PVT1: variants seen among roughly 807,000 people sequenced by gnomAD.
PVT1 encodes Pvt1 oncogene.
At chr8:128,032,354 G>T (rs1275161250) in intron 4 of PVT1, among the ~76,000 whole-genome samples, 1 of 152,160 alleles carries the variant, frequency 6.6e-6, no homozygotes, top group African/African-American at 2.4e-5. Flanking sequence ...CTTCCTTCAT[G>T]AACTTCGTTG....
intron 2 of PVT1, among the ~76,000 whole-genome samples, chr8:127,831,289 C>CA (rs1385485709): frequency 6.8e-6 from 1 of 148,082 alleles, no homozygotes; most frequent in Non-Finnish European, 1.5e-5. Flanking sequence ...CTTGTCTCTA[C>CA]AAAAAATTAA....
rs10103276 is a variant in PVT1 at position 127,974,436 on chromosome 8, A to G, written n.783-14726A>G. Among the ~76,000 whole-genome samples the G allele has an allele frequency of 8.5e-3, 1,290 of 152,144 alleles. 14 individuals carry two copies. Among genetic ancestry groups the G allele is most frequent in the African/African-American group, 0.029 (1,214 of 41,482 alleles). ...ATCATTATTATTAATTTTTCTTTTG[A>G]GATGGAGTCTCACTCTCACCCAGGC... On this transcript the variant is annotated intron_variant and non_coding_transcript_variant, in intron 3 of 10. Coordinates refer to ENST00000651587, the Ensembl canonical transcript of PVT1.
chr8:127,974,058 A>T (rs540645759), intron 3 of PVT1, among the ~76,000 whole-genome samples: 1 of 151,914 alleles, frequency 6.6e-6, no homozygotes, highest in South Asian at 2.1e-4. Flanking sequence ...TATATTTTCG[A>T]AGGGTGGGCA....
In PVT1 at chr8:127,960,307, G is replaced by A. The variant is rs564106125; in HGVS notation, n.783-28855G>A. On this transcript the variant is annotated intron_variant and non_coding_transcript_variant, in intron 3 of 10. Transcript: ENST00000651587. ...GTCACACAGCTTGAGGGTGGCAGAA[G>A]CCAGATCTCAGGTCACAGAGTGGCT... Among the ~76,000 whole-genome samples, 16 of 152,278 alleles carry A rather than the reference G, an allele frequency of 1.1e-4. No homozygotes were observed. In the East Asian group the frequency reaches 1.4e-3, roughly 13 times the overall value.
At chr8:127,858,605 A>T (rs181609406) in intron 2 of PVT1, among the ~76,000 whole-genome samples, 10 of 151,878 alleles carry the variant, frequency 6.6e-5, no homozygotes, top group Middle Eastern at 3.4e-3. Flanking sequence ...TCTATTTTTG[A>T]TGGAAAATTT....
intron 2 of PVT1, among the ~76,000 whole-genome samples, chr8:127,852,786 G>A (rs746689654): frequency 1.2e-4 from 19 of 152,130 alleles, no homozygotes; most frequent in Non-Finnish European, 1.8e-4. Flanking sequence ...CCTGGTACCC[G>A]CTGTTCTCTA....
intron 2 of PVT1, among the ~76,000 whole-genome samples, chr8:127,814,666 G>A (rs1317359334): frequency 6.6e-6 from 1 of 152,078 alleles, no homozygotes; most frequent in East Asian, 1.9e-4. Flanking sequence ...TTTTTACTGT[G>A]GTAAAATTTA....
At chr8:127,813,919 A>G (rs1475448420) in intron 2 of PVT1, among the ~76,000 whole-genome samples, 1 of 152,090 alleles carries the variant, frequency 6.6e-6, no homozygotes, top group East Asian at 1.9e-4. Flanking sequence ...AGTAGCTGGG[A>G]TTACAGGCAC....
intron 3 of PVT1, among the ~76,000 whole-genome samples, chr8:127,894,919 G>T (rs1045122282): frequency 6.6e-6 from 1 of 152,212 alleles, no homozygotes; most frequent in Non-Finnish European, 1.5e-5. Flanking sequence ...GAAGTGACTG[G>T]CCGGCTTGGT....
intron 4 of PVT1, chr8:128,010,710 T>C (rs1229918095): frequency 6.6e-6 from 1 of 152,188 alleles, no homozygotes; most frequent in Non-Finnish European, 1.5e-5. Flanking sequence ...ATTTGTTGTT[T>C]TATAAGGTGT....
intron 3 of PVT1, among the ~76,000 whole-genome samples, chr8:127,936,729 GA>G (rs1171407552): frequency 1.3e-5 from 2 of 152,200 alleles, no homozygotes; most frequent in African/African-American, 4.8e-5. Flanking sequence ...GGGGTTGCTT[GA>G]GGGTGCCTTT....
At chr8:127,956,995 T>G (rs891082725) in intron 3 of PVT1, among the ~76,000 whole-genome samples, 1 of 152,206 alleles carries the variant, frequency 6.6e-6, no homozygotes, top group African/African-American at 2.4e-5. Flanking sequence ...CACTTTTTAT[T>G]CTCTCTAGTG....
At chr8:127,936,420 A>C (rs1484390372) in intron 3 of PVT1, among the ~76,000 whole-genome samples, 8 of 152,182 alleles carry the variant, frequency 5.3e-5, no homozygotes, top group Non-Finnish European at 1.2e-4. Flanking sequence ...TTGAATGAGG[A>C]TCACTCCATT....
intron 3 of PVT1, among the ~76,000 whole-genome samples, chr8:127,980,485 T>C (rs578135392): frequency 2.8e-4 from 42 of 152,246 alleles, no homozygotes; most frequent in African/African-American, 8.2e-4. Flanking sequence ...CAGTGTTTCC[T>C]GGGTTCCCTA....
rs376499013 is a variant in PVT1 at position 127,929,893 on chromosome 8, C to T, written n.782+38895C>T. 3.3e-5 allele frequency among the ~76,000 whole-genome samples: 5 copies of T among 152,194 alleles called. No individual in the cohort carries two copies. The East Asian group carries it at 7.7e-4, about 23-fold the overall frequency. ...GCTTGATTCTGGACAATTGTCAAACCTTGGATGGCTGGGAGCGTTAGATGT... is the reference window on the plus strand; with the variant it reads ...GCTTGATTCTGGACAATTGTCAAACTTTGGATGGCTGGGAGCGTTAGATGT... On this transcript the variant is annotated intron_variant and non_coding_transcript_variant, in intron 3 of 10. Transcript: ENST00000651587.
At chr8:127,884,782 C>T (rs1305109580) in intron 2 of PVT1, among the ~76,000 whole-genome samples, 1 of 152,230 alleles carries the variant, frequency 6.6e-6, no homozygotes, top group African/African-American at 2.4e-5. Flanking sequence ...TGTACAATGC[C>T]ACACATTGTG....
intron 2 of PVT1, among the ~76,000 whole-genome samples, chr8:127,881,200 C>T (rs1453001326): frequency 6.6e-6 from 1 of 152,076 alleles, no homozygotes; most frequent in Non-Finnish European, 1.5e-5. Flanking sequence ...CGGTTTGCAT[C>T]TCCCGAGTCT....
At chr8:127,904,189 C>A (rs1388386712) in intron 3 of PVT1, among the ~76,000 whole-genome samples, 2 of 151,988 alleles carry the variant, frequency 1.3e-5, no homozygotes, top group African/African-American at 2.4e-5. Context: ...TGTATGAAGC[C>A]CTGTTTTCTA....
At chr8:127,862,369 C>T (rs1251969566) in intron 2 of PVT1, among the ~76,000 whole-genome samples, 1 of 151,898 alleles carries the variant, frequency 6.6e-6, no homozygotes, top group Non-Finnish European at 1.5e-5. Context: ...GATCATACCA[C>T]TGCACTCCAG....
Sources: allele counts gnomAD v4.1 joint callset (sites outside exome capture counted in the v4.1 genomes callset), GRCh38; gene constraint gnomAD v4.1.1; transcripts MANE v1.5; gene names NCBI Gene and HGNC (gene_info 2026-07-23, HGNC 2026-07-21).